TLN2: variants seen among roughly 807,000 people sequenced by gnomAD.
The protein encoded by TLN2 is talin-2.
In TLN2, 118 loss-of-function variants were observed where a neutral mutation model predicts 294.7. That is an observed-to-expected ratio of 0.40 (90% CI 0.34 to 0.47). The LOEUF (loss-of-function observed/expected upper bound fraction) is 0.47. Ranked by LOEUF, TLN2 falls within the 20% of genes least tolerant of loss-of-function variation. The pLI is 0.84. For synonymous variants in TLN2, 1,431 were observed against 1,304.5 expected (o/e 1.10, Z -2.09); for missense variants, 3,083 against 3,282.2 (o/e 0.94, Z 1.48).
chr15:62,626,356 A>C (rs1433447741), intron 3 of TLN2, among the ~76,000 whole-genome samples: 1 of 152,214 alleles, frequency 6.6e-6, no homozygotes, highest in African/African-American at 2.4e-5. Context: ...TTTTGCCTGG[A>C]ATAATCGCAT....
At chr15:62,426,038 A>G (rs981955951) in intron 1 of TLN2, among the ~76,000 whole-genome samples, 3 of 152,164 alleles carry the variant, frequency 2.0e-5, no homozygotes, top group Non-Finnish European at 4.4e-5. Flanking sequence ...TGGTTATGGG[A>G]ACTGCTTTTC....
At chr15:62,693,131 A>G (rs1054610393) in intron 13 of TLN2, among the ~76,000 whole-genome samples, 190 bp downstream of exon 13, 1 of 152,182 alleles carries the variant, frequency 6.6e-6, no homozygotes, top group Non-Finnish European at 1.5e-5. Flanking sequence ...GGTATTAGAG[A>G]CCAGTCTGGC....
chr15:62,485,757 C>G (rs2456470), intron 1 of TLN2, among the ~76,000 whole-genome samples: 38,104 of 152,028 alleles, frequency 0.25, 5,181 homozygotes, highest in East Asian at 0.55. Context: ...CTTCCTGGCT[C>G]AATCTGTGTG....
intron 23 of TLN2, among the ~76,000 whole-genome samples, chr15:62,717,085 CATT>C (rs1314667687): frequency 6.6e-6 from 1 of 151,998 alleles, no homozygotes; most frequent in Non-Finnish European, 1.5e-5. Flanking sequence ...AGAAAAGTAA[CATT>C]GTTGTTCTTG....
intron 46 of TLN2, among the ~76,000 whole-genome samples, chr15:62,794,957 T>G (rs998586434): frequency 6.6e-6 from 1 of 152,184 alleles, no homozygotes; most frequent in Non-Finnish European, 1.5e-5. Context: ...ACGCAGAGGT[T>G]AATACAAAGA....
intron 42 of TLN2, among the ~76,000 whole-genome samples, chr15:62,776,446 G>A (rs1427159093): frequency 2.0e-5 from 3 of 152,116 alleles, no homozygotes; most frequent in Non-Finnish European, 1.5e-5. Context: ...GTATCAACTT[G>A]TATATTTAGG....
At chr15:62,572,644 C>G (rs1040204278) in intron 1 of TLN2, among the ~76,000 whole-genome samples, 2 of 152,224 alleles carry the variant, frequency 1.3e-5, no homozygotes, top group Non-Finnish European at 2.9e-5. Flanking sequence ...TGTACTAATG[C>G]TCAAAGCATT....
At chr15:62,737,690 G>C (rs1041714920) in intron 29 of TLN2, among the ~76,000 whole-genome samples, 8 of 152,220 alleles carry the variant, frequency 5.3e-5, no homozygotes, top group African/African-American at 1.9e-4. Flanking sequence ...GGCAGCTCCA[G>C]GTTGTGCTCA....
chr15:62,757,453 A>G (rs2062356850), intron 37 of TLN2, among the ~76,000 whole-genome samples: 1 of 152,234 alleles, frequency 6.6e-6, no homozygotes. Context: ...TGGTCGTTAA[A>G]AAACATTATA....
At chr15:62,451,570 A>T (rs1300828) in intron 1 of TLN2, among the ~76,000 whole-genome samples, 132,331 of 152,222 alleles carry the variant, frequency 0.87, 57,629 homozygotes, top group East Asian at 1. Flanking sequence ...GGCAGGAGGA[A>T]CGCTTAAACC....
intron 1 of TLN2, among the ~76,000 whole-genome samples, chr15:62,490,259 TACC>T (rs1299497424): frequency 6.6e-6 from 1 of 152,228 alleles, no homozygotes. Context: ...AAGGGATTGT[TACC>T]ACAATTAAAT....
chr15:62,529,057 A>G (rs2040889656), intron 1 of TLN2, among the ~76,000 whole-genome samples: 1 of 151,926 alleles, frequency 6.6e-6, no homozygotes, highest in African/African-American at 2.4e-5. Flanking sequence ...GGATTATCAG[A>G]AGTGGAATTA....
intron 1 of TLN2, among the ~76,000 whole-genome samples, chr15:62,582,201 C>CAA (rs2045125911): frequency 1.2e-5 from 1 of 81,690 alleles, no homozygotes; most frequent in Non-Finnish European, 2.7e-5. Flanking sequence ...TGCATACACA[C>CAA]ACACACACAC....
At chr15:62,472,781 C>T (rs1205949722) in intron 1 of TLN2, among the ~76,000 whole-genome samples, 8 of 152,136 alleles carry the variant, frequency 5.3e-5, no homozygotes, top group Non-Finnish European at 1.0e-4. Flanking sequence ...ACCTATTTCT[C>T]CGACCGACGG....
intron 11 of TLN2, among the ~76,000 whole-genome samples, chr15:62,681,808 C>T (rs1596683539): frequency 6.6e-6 from 1 of 152,188 alleles, no homozygotes; most frequent in South Asian, 2.1e-4. Flanking sequence ...TTAATTTTTT[C>T]GAGACACGAT....
At chr15:62,766,999 A>G (rs1271707497) in intron 41 of TLN2, among the ~76,000 whole-genome samples, 4 of 152,104 alleles carry the variant, frequency 2.6e-5, no homozygotes, top group Non-Finnish European at 5.9e-5. Context: ...TCATTTTGCA[A>G]ATTCTTCAAG....
At chr15:62,687,299 C>T (rs1206870897) in intron 12 of TLN2, among the ~76,000 whole-genome samples, 1 of 152,160 alleles carries the variant, frequency 6.6e-6, no homozygotes, top group Non-Finnish European at 1.5e-5. Context: ...TTTGTCATTT[C>T]CCAGCTGTGT....
intron 1 of TLN2, among the ~76,000 whole-genome samples, chr15:62,411,621 A>G (rs2033785289): frequency 6.6e-6 from 1 of 152,166 alleles, no homozygotes; most frequent in African/African-American, 2.4e-5. Context: ...AGGTTGGAGC[A>G]GAGCTTTCTA....
At chr15:62,597,290 T>G (rs1196927212) in intron 2 of TLN2, among the ~76,000 whole-genome samples, 2 of 152,218 alleles carry the variant, frequency 1.3e-5, no homozygotes, top group African/African-American at 4.8e-5. Context: ...CTCTAGATTC[T>G]GAATGTTAAA....
Sources: allele counts gnomAD v4.1 joint callset (sites outside exome capture counted in the v4.1 genomes callset), GRCh38; gene constraint gnomAD v4.1.1; transcripts MANE v1.5; gene names NCBI Gene and HGNC (gene_info 2026-07-23, HGNC 2026-07-21).